Variants in SPATA31C1 observed in about 807,000 individuals in gnomAD.
The protein encoded by SPATA31C1 is spermatogenesis-associated protein 31C1.
chr9:87,922,495 G>A, exon 5 of SPATA31C1: 1 of 1,610,644 alleles, frequency 6.2e-7, no homozygotes, highest in Non-Finnish European at 8.5e-7. Flanking sequence ...GAGGCTGTTA[G>A]TGAATTTGAG....
chr9:87,922,636 T>G, exon 5 of SPATA31C1: 1 of 1,608,796 alleles, frequency 6.2e-7, no homozygotes, highest in Non-Finnish European at 8.5e-7. Context: ...CAGGGCCATC[T>G]CCAGAGCACG....
exon 5 of SPATA31C1, chr9:87,920,752 T>C (rs778245127): frequency 6.2e-7 from 1 of 1,613,990 alleles, no homozygotes; most frequent in Non-Finnish European, 8.5e-7. Flanking sequence ...ATCTCAGGCC[T>C]TGGCGGCTCA....
At chr9:87,916,251 C>CAAA (rs756907084) in intron 1 of SPATA31C1, among the ~76,000 whole-genome samples, 948 of 77,858 alleles carry the variant, frequency 0.012, 38 homozygotes, top group South Asian at 0.06. Flanking sequence ...GACTCCATCT[C>CAAA]AAAAAAAAAA....
At chr9:87,922,592 C>T (rs746739037) in exon 5 of SPATA31C1, 1 of 1,609,314 alleles carries the variant, frequency 6.2e-7, no homozygotes, top group Admixed American at 1.7e-5. Context: ...CTGTTGTGCC[C>T]CATGCTTCAG....
chr9:87,920,622 C>T (rs776834336), exon 5 of SPATA31C1: 6 of 1,613,702 alleles, frequency 3.7e-6, no homozygotes, highest in Admixed American at 1.7e-5. Context: ...CTTCACTCCT[C>T]CTCCCCTGCG....
intron 2 of SPATA31C1, chr9:87,918,933 T>C (rs1047141499): frequency 1.8e-4 from 64 of 359,918 alleles, no homozygotes; most frequent in African/African-American, 1.3e-3. Context: ...CCACCACGCC[T>C]GGCTAATTTT....
At position 87,922,871 on chromosome 9, in the gene SPATA31C1, C is replaced by T. The variant is rs747016576; in HGVS notation, n.3261C>T. ...TGAGGACTCCTCAACTTACCCCAGG[C>T]AGAAAAACAGAAGACACCCGTCAGA... On this transcript the variant is annotated non_coding_transcript_exon_variant, in exon 5 of 5. Coordinates refer to ENST00000420021, the Ensembl canonical transcript of SPATA31C1. 38 of 1,605,948 alleles carry T rather than the reference C, an allele frequency of 2.4e-5. 1 individual carries two copies. The highest frequency in any genetic ancestry group is 3.1e-5 in the Non-Finnish European group (37 of 1,176,322).
exon 3 of SPATA31C1, chr9:87,919,334 A>G (rs1828789327): frequency 1.2e-6 from 2 of 1,601,220 alleles, no homozygotes. Flanking sequence ...AGGATGAAAA[A>G]CCACAGTCTG....
At chr9:87,916,885 T>C (rs1828738516) in intron 1 of SPATA31C1, among the ~76,000 whole-genome samples, 2 of 68,968 alleles carry the variant, frequency 2.9e-5, no homozygotes, top group Non-Finnish European at 7.2e-5. Flanking sequence ...TAGTCCCAGC[T>C]ACTCGGGAGG....
chr9:87,916,270 C>A (rs1298396696), intron 1 of SPATA31C1, among the ~76,000 whole-genome samples: 2 of 142,128 alleles, frequency 1.4e-5, no homozygotes, highest in Non-Finnish European at 3.1e-5. Context: ...AAAAAAAGAT[C>A]ACATATCTCA....
At chr9:87,922,471 T>C (rs1828900513) in exon 5 of SPATA31C1, 1 of 1,610,548 alleles carries the variant, frequency 6.2e-7, no homozygotes, top group African/African-American at 1.3e-5. Context: ...CCAAGAAAGC[T>C]GTGTCTCATG....
At chr9:87,923,306 A>C (rs536830837) in exon 5 of SPATA31C1, 1 of 1,603,392 alleles carries the variant, frequency 6.2e-7, no homozygotes, top group African/African-American at 1.3e-5. Context: ...GTCCCAACAG[A>C]GACAGACAAA....
chr9:87,922,035 G>A (rs768663489), exon 5 of SPATA31C1: 1 of 1,613,776 alleles, frequency 6.2e-7, no homozygotes, highest in South Asian at 1.1e-5. Context: ...AGTTGAGGTG[G>A]CCACGCTCCT....
chr9:87,917,206 T>A (rs1298256494), intron 1 of SPATA31C1, among the ~76,000 whole-genome samples: 2 of 136,874 alleles, frequency 1.5e-5, no homozygotes, highest in East Asian at 4.8e-4. Flanking sequence ...GGTCCGGAGA[T>A]CGAGGCCATC....
chr9:87,920,407 C>G, exon 5 of SPATA31C1: 1 of 1,613,996 alleles, frequency 6.2e-7, no homozygotes. Context: ...TTAGCTTCCC[C>G]GGATCCTCGA....
exon 5 of SPATA31C1, chr9:87,920,596 C>A (rs1294328493): frequency 6.2e-7 from 1 of 1,613,764 alleles, no homozygotes; most frequent in Admixed American, 1.7e-5. Flanking sequence ...GCCTGCTCTC[C>A]ACCTCCTCCG....
intron 3 of SPATA31C1, among the ~76,000 whole-genome samples, chr9:87,919,616 G>T (rs1261158347): frequency 1.3e-5 from 1 of 79,548 alleles, no homozygotes; most frequent in African/African-American, 4.8e-5. Context: ...CCCGCTCCCT[G>T]GGAACAGCTG....
At chr9:87,922,429 C>T (rs1828899079) in exon 5 of SPATA31C1, 1 of 1,610,274 alleles carries the variant, frequency 6.2e-7, no homozygotes, top group African/African-American at 1.3e-5. Flanking sequence ...AGCAAAAGCT[C>T]TCTACTCCCT....
exon 5 of SPATA31C1, chr9:87,923,059 T>A (rs780734906): frequency 1.6e-5 from 25 of 1,600,318 alleles, no homozygotes; most frequent in Non-Finnish European, 2.0e-5. Context: ...AGATCATGCG[T>A]GTACGGCAGC....
Sources: allele counts gnomAD v4.1 joint callset (sites outside exome capture counted in the v4.1 genomes callset), GRCh38; gene constraint gnomAD v4.1.1; transcripts MANE v1.5; gene names NCBI Gene and HGNC (gene_info 2026-07-23, HGNC 2026-07-21).